The following ZC3HAV1 variants were observed in gnomAD, a reference collection of about 807,000 sequenced individuals.
ZC3HAV1 encodes the protein zinc finger CCCH-type antiviral protein 1.
Under a neutral mutation model 86.6 loss-of-function variants are expected in ZC3HAV1, and 41 were observed. The observed-to-expected ratio is 0.47, with a 90% CI of 0.37 to 0.61. ZC3HAV1 has a LOEUF of 0.61. Among genes scored for constraint, ZC3HAV1 ranks in the 20% least tolerant of loss-of-function variants. The pLI is 0.00. For missense variants in ZC3HAV1, 964 were observed against 1,141.1 expected (o/e 0.84, Z 2.24); for synonymous variants, 421 against 432.1 (o/e 0.97, Z 0.32).
At chr7:139,073,056 G>A (rs1044064516) in intron 7 of ZC3HAV1, among the ~76,000 whole-genome samples, 12 of 152,276 alleles carry the variant, frequency 7.9e-5, no homozygotes, top group African/African-American at 2.9e-4. Context: ...AACACTTTGG[G>A]AGGCCGAGGT....
At chr7:139,084,429 G>C (rs1563135810) in intron 2 of ZC3HAV1, among the ~76,000 whole-genome samples, 1 of 152,236 alleles carries the variant, frequency 6.6e-6, no homozygotes, top group Non-Finnish European at 1.5e-5. Flanking sequence ...CCAAAATTTA[G>C]ACTCTGCTAG....
chr7:139,070,982 C>CA (rs1011619995), intron 7 of ZC3HAV1, among the ~76,000 whole-genome samples: 124 of 117,474 alleles, frequency 1.1e-3, no homozygotes, highest in East Asian at 3.0e-3. Flanking sequence ...AACTCTGTCT[C>CA]AAAAAAAAAA....
chr7:139,080,840 G>T (rs552967146), intron 3 of ZC3HAV1, among the ~76,000 whole-genome samples: 17 of 152,148 alleles, frequency 1.1e-4, no homozygotes, highest in African/African-American at 3.9e-4. Flanking sequence ...GAAAGCATTC[G>T]ATTTTGCCCA....
At chr7:139,098,275 A>C (rs1247735707) in intron 1 of ZC3HAV1, among the ~76,000 whole-genome samples, 1 of 152,204 alleles carries the variant, frequency 6.6e-6, no homozygotes, top group Non-Finnish European at 1.5e-5. Context: ...TATTGTATGT[A>C]AATCATACCT....
Position 139,109,314 on chromosome 7 carries a change from C to T in ZC3HAV1, c.18G>A (p.Val6=). 6.2e-7 allele frequency: 1 copy of T among 1,600,258 alleles called. No homozygotes were observed. The highest frequency in any genetic ancestry group is 2.2e-5 in the East Asian group (1 of 44,544). Residue 6 remains valine, a synonymous_variant, in exon 1 of 13, where the codon GTG becomes GTA. Transcript: ENST00000242351. ...ACAGGATTTTGGTGATGAAGCAGCA[C>T]ACCTCCGGGTCCGCCATGGCGCGCT... MADPE[V]CCFITKILCA...
At chr7:139,073,283 G>C (rs917683213) in intron 7 of ZC3HAV1, among the ~76,000 whole-genome samples, 1 of 151,822 alleles carries the variant, frequency 6.6e-6, no homozygotes, top group Admixed American at 6.6e-5. Context: ...TGGGTGATAA[G>C]AGTGAAACTC....
At chr7:139,104,956 C>G (rs533955287) in intron 1 of ZC3HAV1, among the ~76,000 whole-genome samples, 1 of 144,814 alleles carries the variant, frequency 6.9e-6, no homozygotes. Context: ...TCGCTTGAAC[C>G]GGGGAGGCGG....
At chr7:139,056,518 C>T (rs1185410742) in intron 9 of ZC3HAV1, among the ~76,000 whole-genome samples, 1 of 151,176 alleles carries the variant, frequency 6.6e-6, no homozygotes, top group Non-Finnish European at 1.5e-5. Flanking sequence ...CCCACCTCAA[C>T]CTCTTGAGTA....
At chr7:139,060,970 C>T (rs1441774105) in intron 9 of ZC3HAV1, 66 bp downstream of exon 9, 5 of 1,609,002 alleles carry the variant, frequency 3.1e-6, no homozygotes, top group African/African-American at 2.7e-5. Context: ...TCACGAGTGA[C>T]TTGATGAGCC....
At chr7:139,107,148 T>C (rs546664099) in intron 1 of ZC3HAV1, among the ~76,000 whole-genome samples, 1 of 152,224 alleles carries the variant, frequency 6.6e-6, no homozygotes, top group Non-Finnish European at 1.5e-5. Flanking sequence ...TGCTAGAACA[T>C]GCTAGAATGT....
At position 139,076,331 on chromosome 7, in the gene ZC3HAV1, T is replaced by G; in HGVS notation, c.1652A>C (p.His551Pro). ...LIGKTWTDFE[H>P]METIEKGYCN... ...GTAGCCTTTCTCGATCGTCTCCATG[T>G]GCTCAAAGTCCGTCCAGGTTTTACC... Residue 551 changes from histidine to proline, a missense_variant, in exon 6 of 13, where the codon CAC becomes CCC. His to Pro is a moderately conservative substitution (Grantham distance 77, BLOSUM62 -2). Coordinates refer to ENST00000242351, the MANE Select transcript of ZC3HAV1 (RefSeq NM_020119.4). 6.2e-7 allele frequency: 1 copy of G among 1,614,234 alleles called. No individual in the cohort carries two copies. The highest frequency in any genetic ancestry group is 8.5e-7 in the Non-Finnish European group (1 of 1,180,040).
Position 139,109,273 on chromosome 7 carries a change from C to T in ZC3HAV1, c.59G>A (p.Arg20His), listed in dbSNP as rs759165366. Residue 20 changes from arginine (R) to histidine (H), a missense_variant, in exon 1 of 13, where the codon CGC (arginine) becomes CAC (histidine). Physicochemically the swap from Arg to His is conservative, Grantham distance 29. Transcript: ENST00000242351. ...ITKILCAHGG[R>H]MALDALLQEI... Reference sequence around the variant, plus strand: ...CTGGAGCAGCGCGTCCAGGGCCATGCGGCCCCCGTGGGCGCACAGGATTTT... The same window carrying T: ...CTGGAGCAGCGCGTCCAGGGCCATGTGGCCCCCGTGGGCGCACAGGATTTT... 3 of 1,610,936 alleles carry T rather than the reference C, an allele frequency of 1.9e-6. No individual in the cohort carries two copies. The highest frequency in any genetic ancestry group is 2.5e-6 in the Non-Finnish European group (3 of 1,179,168).
At position 139,052,606 on chromosome 7, in the gene ZC3HAV1, CAA is replaced by C. The variant is rs35386659; in HGVS notation, c.2449+843_2449+844del. ...GGCAATAAAAGCGAAACTCTGTCTCCAAAAAAAAAAAAAAAAAAAAAAAGAGT... is the reference window on the plus strand; with the variant it reads ...GGCAATAAAAGCGAAACTCTGTCTCCAAAAAAAAAAAAAAAAAAAAAGAGT... On this transcript the variant is annotated intron_variant, in intron 12 of 12. Coordinates refer to ENST00000242351, the MANE Select transcript of ZC3HAV1 (RefSeq NM_020119.4). 9.9e-4 allele frequency among the ~76,000 whole-genome samples: 64 copies of C among 64,974 alleles called. 1 individual carries two copies. Among genetic ancestry groups the C allele is most frequent in the South Asian group, 2.9e-3 (5 of 1,732 alleles). 42.6% of individuals were successfully genotyped at this position (64,974 alleles called of 152,430 possible). A position where few individuals can be genotyped will look rare whatever the true frequency, so the allele number is the denominator to read the frequency against.
intron 1 of ZC3HAV1, among the ~76,000 whole-genome samples, chr7:139,090,999 G>T (rs969795106): frequency 1.9e-4 from 29 of 152,098 alleles, no homozygotes; most frequent in African/African-American, 5.8e-4. Context: ...TCCCAGGCGG[G>T]CCCTTTCCTT....
chr7:139,078,374 C>T (rs1384410284), intron 5 of ZC3HAV1, among the ~76,000 whole-genome samples, 178 bp downstream of exon 5: 1 of 146,862 alleles, frequency 6.8e-6, no homozygotes, highest in Admixed American at 6.8e-5. Flanking sequence ...AATAGTTCCT[C>T]AAAAAAAAAA....
chr7:139,103,463 G>A (rs1817837806), intron 1 of ZC3HAV1, among the ~76,000 whole-genome samples: 1 of 151,856 alleles, frequency 6.6e-6, no homozygotes, highest in South Asian at 2.1e-4. Context: ...ACTGGCATAA[G>A]CCAAAAAAGT....
Position 139,083,797 on chromosome 7 carries a change from T to C in ZC3HAV1, c.680A>G (p.Asn227Ser). Residue 227 changes from asparagine (N) to serine (S), a missense_variant, in exon 3 of 13, where the codon AAT becomes AGT. Physicochemically the swap from Asn to Ser is conservative, Grantham distance 46. Coordinates refer to ENST00000242351, the MANE Select transcript of ZC3HAV1 (RefSeq NM_020119.4). The part of the protein sequence containing the change: ...DICNSKHMQK[N>S]PPGPRAPSSH... The stretch of plus-strand genomic sequence containing the variant: ...GCCTTTACCTCTGGGCCCTGGGGGA[T>C]TCTTCTGCATGTGCTTGCTGTTGCA... The C allele has an allele frequency of 6.2e-7, 1 of 1,611,648 alleles. No individual in the cohort carries two copies.
intron 8 of ZC3HAV1, among the ~76,000 whole-genome samples, chr7:139,062,300 T>C (rs1816465137): frequency 6.6e-6 from 1 of 152,038 alleles, no homozygotes; most frequent in Non-Finnish European, 1.5e-5. Context: ...TCCCGGGACC[T>C]CCGCCTAATA....
At chr7:139,073,607 C>T (rs992480188) in intron 7 of ZC3HAV1, among the ~76,000 whole-genome samples, 4 of 152,138 alleles carry the variant, frequency 2.6e-5, no homozygotes, top group Non-Finnish European at 5.9e-5. Flanking sequence ...TCTCCTGCCT[C>T]AGCCTCCAGA....
Sources: gnomAD v4.1 joint callset for allele counts (sites outside exome capture counted in the v4.1 genomes callset) on GRCh38, gnomAD v4.1.1 for gene constraint, MANE v1.5 for transcripts, NCBI Gene and HGNC (gene_info 2026-07-23, HGNC 2026-07-21) for gene names.